Variants in IGF2R observed in about 807,000 individuals in gnomAD.
IGF2R encodes insulin like growth factor 2 receptor.
In IGF2R, 91 loss-of-function variants were observed where a neutral mutation model predicts 270.6. The ratio of observed to expected loss-of-function variants is 0.34; its 90% CI spans 0.28 to 0.40. The LOEUF (loss-of-function observed/expected upper bound fraction) is 0.40. Ranked by LOEUF, IGF2R falls within the 10% of genes least tolerant of loss-of-function variation. IGF2R has a pLI of 1.00. For synonymous variants in IGF2R, 1,316 were observed against 1,258.9 expected, an observed-to-expected ratio of 1.05 and a Z score of -0.96; for missense variants, 2,805 against 3,188.3, an observed-to-expected ratio of 0.88 and a Z score of 2.90.
chr6:160,063,614 A>T lies in IGF2R; in HGVS notation c.3870A>T (p.Gly1290=). The T allele has an allele frequency of 6.2e-7, 1 of 1,613,960 alleles. No individual in the cohort carries two copies. The highest frequency in any genetic ancestry group is 8.5e-7 in the Non-Finnish European group (1 of 1,179,822). The part of the protein sequence containing the change: ...SSCQEKREPQ[G]FHKVAGLLTQ... Reference sequence around the variant, plus strand: ...GTCAGGAAAAGCGGGAACCGCAGGGATTTCACAAAGTGGCAGGTACCATTG... The same window carrying T: ...GTCAGGAAAAGCGGGAACCGCAGGGTTTTCACAAAGTGGCAGGTACCATTG... Residue 1290 remains glycine, a synonymous_variant, in exon 27 of 48, where the codon GGA becomes GGT. Coordinates refer to ENST00000356956, the MANE Select transcript of IGF2R (RefSeq NM_000876.4).
intron 30 of IGF2R, among the ~76,000 whole-genome samples, chr6:160,069,116 T>C (rs1488271222): frequency 6.6e-6 from 1 of 152,108 alleles, no homozygotes; most frequent in African/African-American, 2.4e-5. Context: ...CCTTTTGTGA[T>C]GCAGGGACAG....
At chr6:160,043,023 G>A in intron 11 of IGF2R, 125 bp from the exon 12 acceptor site, 1 of 968,492 alleles carries the variant, frequency 1.0e-6, no homozygotes, top group Non-Finnish European at 1.6e-6. Context: ...AACAGCGCTG[G>A]GGATTGAGTG....
chr6:159,997,740 C>T (rs78664971), intron 2 of IGF2R, among the ~76,000 whole-genome samples: 2,470 of 152,294 alleles, frequency 0.016, 70 homozygotes, highest in East Asian at 0.095. Flanking sequence ...ATTCTGGCGA[C>T]GGTTGCTCAC....
At chr6:160,023,452 G>A (rs1283265712) in intron 4 of IGF2R, among the ~76,000 whole-genome samples, 1 of 152,136 alleles carries the variant, frequency 6.6e-6, no homozygotes, top group African/African-American at 2.4e-5. Context: ...ATGGTTTTGT[G>A]TATCCAAGTG....
At chr6:159,983,176 C>T (rs1583241303) in intron 1 of IGF2R, among the ~76,000 whole-genome samples, 1 of 152,290 alleles carries the variant, frequency 6.6e-6, no homozygotes, top group East Asian at 1.9e-4. Context: ...CGGCCTGGGG[C>T]TACATTGACT....
intron 9 of IGF2R, 38 bp downstream of exon 9, chr6:160,033,145 T>C: frequency 7.8e-6 from 12 of 1,538,478 alleles, no homozygotes; most frequent in Non-Finnish European, 1.1e-5. Flanking sequence ...CCTTTTTCTT[T>C]GTATTTCTTG....
At chr6:160,078,901 G>C (rs540276182) in intron 37 of IGF2R, among the ~76,000 whole-genome samples, 1 of 152,312 alleles carries the variant, frequency 6.6e-6, no homozygotes, top group Non-Finnish European at 1.5e-5. Flanking sequence ...TCTTTGGGCT[G>C]CTGGTCTTAC....
chr6:160,067,751 C>T (rs1424521972), intron 29 of IGF2R, among the ~76,000 whole-genome samples: 1 of 152,130 alleles, frequency 6.6e-6, no homozygotes, highest in Non-Finnish European at 1.5e-5. Flanking sequence ...AGTTAGTGAA[C>T]CTTTAGCCTG....
chr6:160,044,500 C>T lies in IGF2R; in HGVS notation c.1622-14C>T, dbSNP rs766849221. ...TTAACCACATCTTCTGTTTTCTCCC[C>T]CTTTCTCTTCCAGATAAAAATGGAA... On this transcript the variant is annotated splice_polypyrimidine_tract_variant and intron_variant, in intron 12 of 47. Transcript: ENST00000356956. 2 of 1,588,800 alleles carry T rather than the reference C, an allele frequency of 1.3e-6. No individual in the cohort carries two copies. The highest frequency in any genetic ancestry group is 1.3e-5 in the African/African-American group (1 of 74,370).
chr6:160,002,068 C>A (rs1784138790), intron 2 of IGF2R, among the ~76,000 whole-genome samples: 1 of 152,092 alleles, frequency 6.6e-6, no homozygotes, highest in Admixed American at 6.5e-5. Context: ...TATATTCTTA[C>A]AATAAAGTAA....
chr6:160,010,190 T>A (rs1784311491), intron 3 of IGF2R: 1 of 153,572 alleles, frequency 6.5e-6, no homozygotes, highest in Admixed American at 6.5e-5. Flanking sequence ...CCTGCGATGC[T>A]GGGGTTGACC....
At chr6:160,099,461 G>A (rs546281690) in intron 45 of IGF2R, among the ~76,000 whole-genome samples, 1 of 152,242 alleles carries the variant, frequency 6.6e-6, no homozygotes, top group East Asian at 1.9e-4. Flanking sequence ...CTGCCTCCCA[G>A]GTTCACGCCA....
chr6:160,055,105 A>G (rs114915702), intron 19 of IGF2R, among the ~76,000 whole-genome samples: 1,689 of 151,424 alleles, frequency 0.011, 35 homozygotes, highest in African/African-American at 0.039. Context: ...GGTTGTACAC[A>G]CTCTCCTTGG....
At chr6:159,982,050 T>A (rs561927758) in intron 1 of IGF2R, among the ~76,000 whole-genome samples, 3 of 152,362 alleles carry the variant, frequency 2.0e-5, no homozygotes, top group Admixed American at 1.3e-4. Flanking sequence ...GGCCATGCTG[T>A]GTCAAACTCA....
intron 2 of IGF2R, chr6:160,003,526 C>T (rs1488308561): frequency 6.6e-6 from 1 of 152,196 alleles, no homozygotes; most frequent in African/African-American, 2.4e-5. Context: ...GAACAATCTA[C>T]TGTGTGGGTA....
Position 160,103,932 on chromosome 6 carries a change from A to G in IGF2R, c.7065+117A>G, listed in dbSNP as rs1779552274. 1.6e-5 allele frequency: 11 copies of G among 667,674 alleles called. No homozygotes were observed. In the South Asian group the frequency reaches 2.0e-4, roughly 12 times the overall value. 41.4% of individuals were successfully genotyped at this position (667,674 alleles called of 1,614,324 possible). ...AGCAGTCACAGGCTGACTGGAATCC[A>G]GAAAGGAAAGCAACACCCGTTGCCT... On this transcript the variant is annotated intron_variant, in intron 47 of 47. Coordinates refer to ENST00000356956, the MANE Select transcript of IGF2R (RefSeq NM_000876.4).
intron 39 of IGF2R, among the ~76,000 whole-genome samples, chr6:160,083,321 G>A (rs922220810): frequency 3.9e-5 from 6 of 152,078 alleles, no homozygotes; most frequent in Non-Finnish European, 8.8e-5. Context: ...AACGTGTCTC[G>A]CCTCCCGCCA....
intron 5 of IGF2R, among the ~76,000 whole-genome samples, chr6:160,025,698 C>T (rs943503350): frequency 6.6e-6 from 1 of 152,102 alleles, no homozygotes; most frequent in Non-Finnish European, 1.5e-5. Context: ...TAGAGTATTA[C>T]ATCTTTCTTT....
intron 2 of IGF2R, among the ~76,000 whole-genome samples, chr6:160,001,021 G>A (rs1472173871): frequency 6.6e-6 from 1 of 152,082 alleles, no homozygotes; most frequent in African/African-American, 2.4e-5. Context: ...ACAGGTGTGA[G>A]CCACCACGCC....
Sources: gnomAD v4.1 joint callset for allele counts (sites outside exome capture counted in the v4.1 genomes callset) on GRCh38, gnomAD v4.1.1 for gene constraint, MANE v1.5 for transcripts, NCBI Gene and HGNC (gene_info 2026-07-23, HGNC 2026-07-21) for gene names.